Variants in LSP1 observed in about 807,000 individuals in gnomAD.
The protein encoded by LSP1 is lymphocyte specific protein 1.
In LSP1, 32 loss-of-function variants were observed where a neutral mutation model predicts 49.3. That is an observed-to-expected ratio of 0.65 (90% CI 0.49 to 0.87). LSP1 has a LOEUF of 0.87. Among genes scored for constraint, LSP1 ranks in the 40% least tolerant of loss-of-function variants. The pLI is 0.00. For missense variants in LSP1, 428 were observed against 442.6 expected (o/e 0.97, Z 0.30); for synonymous variants, 179 against 178.8 (o/e 1.00, Z -0.01).
At chr11:1,863,677 C>A (rs1847701628) in intron 1 of LSP1, 1 of 152,402 alleles carries the variant, frequency 6.6e-6, no homozygotes. Context: ...CCCGAGTGTT[C>A]TCCAGTGAGT....
chr11:1,877,070 C>T (rs1848341364), intron 1 of LSP1, among the ~76,000 whole-genome samples: 1 of 152,228 alleles, frequency 6.6e-6, no homozygotes, highest in East Asian at 1.9e-4. Context: ...CGGGGCTGAG[C>T]CAGGGCCACG....
At chr11:1,856,790 GAGCCA>G (rs1247431961) in intron 1 of LSP1, among the ~76,000 whole-genome samples, 2 of 152,232 alleles carry the variant, frequency 1.3e-5, no homozygotes, top group Non-Finnish European at 2.9e-5. Flanking sequence ...CCTGCCCTCC[GAGCCA>G]AGGCCAGGCA....
Position 1,875,151 on chromosome 11 carries a change from C to T in LSP1, c.54-4936C>T, listed in dbSNP as rs149286119. 9.2e-5 allele frequency among the ~76,000 whole-genome samples: 14 copies of T among 152,234 alleles called. No individual in the cohort carries two copies. In the East Asian group the frequency reaches 1.4e-3, roughly 15 times the overall value. ...CCTGCCAGCTTCTGGCTGTCTGTGT[C>T]GCCCCCAGCACTGGGCTGGTGCCGT... is the stretch of plus-strand genomic sequence containing the variant. On this transcript the variant is annotated intron_variant, in intron 1 of 10. Coordinates refer to ENST00000311604, the MANE Select transcript of LSP1 (RefSeq NM_002339.3).
chr11:1,865,498 C>G (rs141158093), intron 1 of LSP1, among the ~76,000 whole-genome samples: 3 of 151,666 alleles, frequency 2.0e-5, no homozygotes, highest in Non-Finnish European at 4.4e-5. Flanking sequence ...CTTCCCCATC[C>G]CACCTGCACT....
chr11:1,884,189 G>A lies in LSP1; in HGVS notation c.592-91G>A. On this transcript the variant is annotated intron_variant, in intron 5 of 10. Transcript: ENST00000311604. This position sits in a 1 kb window ranked among gnomAD's most constrained non-coding sequence, Gnocchi z 4.1. ...CGAACCCCCATGATATAAGGGTTGGGGGTTGGATTAGTGGTTGGAGTAGCT... is the reference window on the plus strand; with the variant it reads ...CGAACCCCCATGATATAAGGGTTGGAGGTTGGATTAGTGGTTGGAGTAGCT... The A allele has an allele frequency of 1.3e-6, 2 of 1,518,224 alleles. No individual in the cohort carries two copies. Among genetic ancestry groups the A allele is most frequent in the Non-Finnish European group, 9.1e-7 (1 of 1,092,902 alleles). 94.0% of individuals were successfully genotyped at this position (1,518,224 alleles called of 1,614,324 possible).
At chr11:1,869,732 G>A (rs975567262) in intron 1 of LSP1, 1 of 470,614 alleles carries the variant, frequency 2.1e-6, no homozygotes, top group Admixed American at 2.3e-5. Context: ...GAGGCCAGGC[G>A]AGGGCTGGCG....
chr11:1,889,960 C>G, intron 10 of LSP1: 1 of 631,516 alleles, frequency 1.6e-6, no homozygotes, highest in Non-Finnish European at 2.9e-6. Context: ...GCATCTCCAT[C>G]CTGGCTGTTG....
intron 1 of LSP1, chr11:1,876,579 G>A: frequency 1.0e-6 from 1 of 985,588 alleles, no homozygotes; most frequent in Non-Finnish European, 1.2e-6. Context: ...TGCCTGCAGG[G>A]GGCAGAGTCG....
chr11:1,876,537 T>C, intron 1 of LSP1: 3 of 985,472 alleles, frequency 3.0e-6, no homozygotes, highest in Non-Finnish European at 3.6e-6. Context: ...CCCTCTGGGC[T>C]CAGGACAGCC....
chr11:1,881,557 C>G lies in LSP1; in HGVS notation c.317C>G (p.Pro106Arg). The G allele has an allele frequency of 6.5e-7, 1 of 1,538,398 alleles. No individual in the cohort carries two copies. The highest frequency in any genetic ancestry group is 8.8e-7 in the Non-Finnish European group (1 of 1,140,750). ...CAGGGCGCCTTGGACAGCGGAGAGC[C>G]CCCCCAGTGCAGGAGTCCTGAGGGG... ...GAQGALDSGE[P>R]PQCRSPEGEQ... Residue 106 changes from proline (P) to arginine (R), a missense_variant, in exon 3 of 11, where the codon CCC (proline) becomes CGC (arginine). Transcript: ENST00000311604.
chr11:1,860,002 G>A (rs779898749), intron 1 of LSP1, among the ~76,000 whole-genome samples: 2 of 152,198 alleles, frequency 1.3e-5, no homozygotes, highest in East Asian at 1.9e-4. Context: ...GGTATGTGTC[G>A]GGGATGATGA....
intron 1 of LSP1, chr11:1,876,359 G>A: frequency 1.3e-6 from 1 of 782,294 alleles, no homozygotes; most frequent in Non-Finnish European, 1.6e-6. Flanking sequence ...GGAAGGCCCA[G>A]CCCAGCTCCC....
chr11:1,860,689 G>T (rs1847607252), intron 1 of LSP1, among the ~76,000 whole-genome samples: 1 of 152,200 alleles, frequency 6.6e-6, no homozygotes, highest in Non-Finnish European at 1.5e-5. Flanking sequence ...GAACTGTGTT[G>T]TACCTGTGCA....
At chr11:1,859,055 GAGGC>G (rs1463645548) in intron 1 of LSP1, among the ~76,000 whole-genome samples, 3 of 152,204 alleles carry the variant, frequency 2.0e-5, no homozygotes, top group Non-Finnish European at 4.4e-5. Context: ...CCGGCAGGAG[GAGGC>G]AGGCACATGG....
intron 1 of LSP1, chr11:1,870,677 G>C (rs1458644686): frequency 9.4e-7 from 1 of 1,061,722 alleles, no homozygotes; most frequent in Admixed American, 4.8e-5. Flanking sequence ...CACCACGTCT[G>C]AATAATGTAT....
intron 1 of LSP1, among the ~76,000 whole-genome samples, chr11:1,876,097 C>T (rs1848299168): frequency 2.0e-5 from 3 of 152,236 alleles, no homozygotes; most frequent in Admixed American, 1.3e-4. Context: ...CCCCGACACA[C>T]ACTCCGAAGC....
Position 1,877,679 on chromosome 11 carries a change from G to A in LSP1, c.54-2408G>A, listed in dbSNP as rs115828325. 1.3e-3 allele frequency among the ~76,000 whole-genome samples: 198 copies of A among 152,334 alleles called. 1 individual carries two copies. The highest frequency in any genetic ancestry group is 4.4e-3 in the African/African-American group (182 of 41,576). ...CTTGTTCCCAAGCCTGTCTGCACACGCACGTGGATGTCAAAGGTTCCCGTG... is the reference window on the plus strand; with the variant it reads ...CTTGTTCCCAAGCCTGTCTGCACACACACGTGGATGTCAAAGGTTCCCGTG... On this transcript the variant is annotated intron_variant, in intron 1 of 10. Transcript: ENST00000311604.
intron 10 of LSP1, chr11:1,889,633 G>A (rs1490331713): frequency 3.2e-6 from 2 of 615,662 alleles, no homozygotes; most frequent in East Asian, 2.8e-5. Context: ...GGTGGGGTAG[G>A]GGATGAGGCC....
At chr11:1,890,325 G>A (rs1302179162) in intron 10 of LSP1, 15 of 712,424 alleles carry the variant, frequency 2.1e-5, no homozygotes, top group Middle Eastern at 2.3e-4. Context: ...GGCGGGGTGC[G>A]GGCCCTCAGC....
Sources: gnomAD v4.1 joint callset for allele counts (sites outside exome capture counted in the v4.1 genomes callset) on GRCh38, gnomAD v4.1.1 for gene constraint, Gnocchi (gnomAD v3.1) non-coding constraint, MANE v1.5 for transcripts, NCBI Gene and HGNC (gene_info 2026-07-23, HGNC 2026-07-21) for gene names.